The following KLHL1 variants were observed in gnomAD, a reference collection of about 807,000 sequenced individuals.
KLHL1 encodes kelch-like protein 1.
In KLHL1, 47 loss-of-function variants were observed where a neutral mutation model predicts 77.7. The observed-to-expected ratio is 0.60, with a 90% confidence interval of 0.48 to 0.77. The LOEUF is 0.77. Ranked by LOEUF, KLHL1 falls within the 30% of genes least tolerant of loss-of-function variation. KLHL1 has a pLI of 0.00. For synonymous variants in KLHL1, 360 were observed against 325.2 expected (o/e 1.11, Z -1.15); for missense variants, 925 against 910.8 (o/e 1.02, Z -0.20).
At position 69,796,714 on chromosome 13, in the gene KLHL1, A is replaced by T. The variant is rs754440107; in HGVS notation, c.1639+24T>A. On this transcript the variant is annotated intron_variant, in intron 7 of 10. Transcript: ENST00000377844. ...TTATCAATAACATGTTTCTAAAAGT[A>T]ATATCAATAAAGTAAGATCTTACCT... 1.6e-5 allele frequency: 23 copies of T among 1,459,710 alleles called. 1 individual carries two copies. The Admixed American group carries it at 2.9e-4, about 18-fold the overall frequency. The allele number at this position is 1,459,710 out of a possible 1,614,324, so 90.4% of individuals were successfully genotyped here.
At position 69,837,700 on chromosome 13, in the gene KLHL1, A is replaced by G. The variant is rs561739165; in HGVS notation, c.1414+1276T>C. On this transcript the variant is annotated intron_variant, in intron 6 of 10. Coordinates refer to ENST00000377844, the MANE Select transcript of KLHL1 (RefSeq NM_020866.3). ...TATATATATATATACACATATATATATAGATCTCATATTTTTTGAAGTAAA... is the reference window on the plus strand; with the variant it reads ...TATATATATATATACACATATATATGTAGATCTCATATTTTTTGAAGTAAA... Among the ~76,000 whole-genome samples, 103 of 147,790 alleles carry G rather than the reference A, an allele frequency of 7.0e-4. 3 individuals carry two copies. Among genetic ancestry groups the G allele is most frequent in the African/African-American group, 2.2e-3 (88 of 40,252 alleles).
intron 1 of KLHL1, among the ~76,000 whole-genome samples, chr13:70,089,517 G>T (rs150927945): frequency 0.011 from 1,717 of 152,058 alleles, 15 homozygotes; most frequent in Middle Eastern, 0.045. Context: ...TGTTAAAATA[G>T]CTTGCGTGAT....
rs541572551 is a variant in KLHL1 at position 70,072,642 on chromosome 13, G to A, written c.497+34561C>T. 9.2e-5 allele frequency among the ~76,000 whole-genome samples: 14 copies of A among 151,850 alleles called. No homozygotes were observed. The East Asian group carries it at 2.3e-3, about 25-fold the overall frequency. ...GCATGCAAAGATGCTTTGTCATTCA[G>A]AAAACAATTTGTGGAATACATCAAT... On this transcript the variant is annotated intron_variant, in intron 1 of 10. Coordinates refer to ENST00000377844, the MANE Select transcript of KLHL1 (RefSeq NM_020866.3).
chr13:69,779,841 C>A (rs542372984), intron 7 of KLHL1, among the ~76,000 whole-genome samples: 151 of 152,070 alleles, frequency 9.9e-4, no homozygotes, highest in Non-Finnish European at 2.1e-3. Flanking sequence ...GAGACGGAGT[C>A]TTGCTGTTGC....
chr13:69,876,745 T>G (rs986373942), intron 5 of KLHL1, among the ~76,000 whole-genome samples: 1 of 152,128 alleles, frequency 6.6e-6, no homozygotes, highest in Non-Finnish European at 1.5e-5. Flanking sequence ...TTAAAAGAGA[T>G]AAAAAATACC....
intron 4 of KLHL1, among the ~76,000 whole-genome samples, chr13:69,893,359 C>T (rs1881502506): frequency 6.6e-6 from 1 of 151,372 alleles, no homozygotes; most frequent in African/African-American, 2.4e-5. Context: ...CTCAGCCTCC[C>T]GAGTAGCTGG....
At chr13:69,891,817 T>G (rs764904753) in intron 4 of KLHL1, among the ~76,000 whole-genome samples, 10 of 152,068 alleles carry the variant, frequency 6.6e-5, no homozygotes, top group Non-Finnish European at 1.5e-4. Flanking sequence ...ATACTGGACA[T>G]ATATTGCTCA....
intron 1 of KLHL1, among the ~76,000 whole-genome samples, chr13:70,074,379 A>G (rs1455033423): frequency 6.6e-6 from 1 of 152,018 alleles, no homozygotes; most frequent in Non-Finnish European, 1.5e-5. Context: ...TATGACAGGT[A>G]TGGTTAGTTA....
chr13:70,080,039 T>C (rs943133685), intron 1 of KLHL1, among the ~76,000 whole-genome samples: 1 of 152,166 alleles, frequency 6.6e-6, no homozygotes, highest in Non-Finnish European at 1.5e-5. Context: ...GATTTGTGGA[T>C]AGGTACCAAG....
At chr13:70,100,084 C>G (rs187979274) in intron 1 of KLHL1, among the ~76,000 whole-genome samples, 2 of 151,900 alleles carry the variant, frequency 1.3e-5, no homozygotes, top group East Asian at 3.9e-4. Context: ...AAAAAGCATG[C>G]AAAGATTTTC....
chr13:69,794,573 A>G (rs1317555407), intron 7 of KLHL1, among the ~76,000 whole-genome samples: 1 of 151,754 alleles, frequency 6.6e-6, no homozygotes. Flanking sequence ...TTAAAAAAAA[A>G]GAGCTGGGGG....
At chr13:69,730,267 ATG>A (rs56271435) in intron 8 of KLHL1, among the ~76,000 whole-genome samples, 10,857 of 143,696 alleles carry the variant, frequency 0.076, 447 homozygotes, top group African/African-American at 0.13. Context: ...TAACACTTTA[ATG>A]TGTGTGTGTG....
intron 1 of KLHL1, among the ~76,000 whole-genome samples, chr13:70,024,646 C>T (rs796322695): frequency 8.8e-3 from 706 of 79,838 alleles, no homozygotes; most frequent in South Asian, 0.023. Flanking sequence ...CTCTCTCTCT[C>T]TCTCTCTCTC....
In KLHL1 at chr13:69,742,851, G is replaced by C. The variant is rs564048967; in HGVS notation, c.1640-2295C>G. On this transcript the variant is annotated intron_variant, in intron 7 of 10. Coordinates refer to ENST00000377844, the MANE Select transcript of KLHL1 (RefSeq NM_020866.3). ...TTCTTTCATTAGGTAGCTTGACATA[G>C]GAAATGGGGATTAGAAAGGATAAGT... Among the ~76,000 whole-genome samples, 459 of 152,232 alleles carry C rather than the reference G, an allele frequency of 3.0e-3. 2 individuals are homozygous for C. The highest frequency in any genetic ancestry group is 5.1e-3 in the Non-Finnish European group (345 of 68,004).
At chr13:69,939,112 G>A (rs2875575) in intron 4 of KLHL1, among the ~76,000 whole-genome samples, 9 of 150,776 alleles carry the variant, frequency 6.0e-5, no homozygotes, top group Admixed American at 2.7e-4. Context: ...GATACAGGGC[G>A]TCTATGCCAG....
intron 6 of KLHL1, among the ~76,000 whole-genome samples, chr13:69,797,163 C>A (rs550843061): frequency 6.6e-6 from 1 of 152,114 alleles, no homozygotes; most frequent in Non-Finnish European, 1.5e-5. Context: ...TCAAAATAGA[C>A]ACAAATGTTC....
At chr13:69,991,059 GT>G in intron 1 of KLHL1, among the ~76,000 whole-genome samples, 1 of 151,950 alleles carries the variant, frequency 6.6e-6, no homozygotes, top group East Asian at 1.9e-4. Context: ...AGATTCTTGA[GT>G]AAATTAGGAA....
chr13:69,975,437 T>G (rs1884515902), intron 2 of KLHL1, among the ~76,000 whole-genome samples, 183 bp downstream of exon 2: 2 of 151,940 alleles, frequency 1.3e-5, no homozygotes, highest in Non-Finnish European at 2.9e-5. Flanking sequence ...ATTTCAACTT[T>G]TCCACAAAAG....
intron 1 of KLHL1, among the ~76,000 whole-genome samples, chr13:70,033,090 C>T (rs1165124674): frequency 2.0e-5 from 3 of 151,844 alleles, no homozygotes; most frequent in Non-Finnish European, 4.4e-5. Flanking sequence ...TATCTTTTTC[C>T]CCCTGAAATA....
Sources: gnomAD v4.1 joint callset for allele counts (sites outside exome capture counted in the v4.1 genomes callset) on GRCh38, gnomAD v4.1.1 for gene constraint, MANE v1.5 for transcripts, NCBI Gene and HGNC (gene_info 2026-07-23, HGNC 2026-07-21) for gene names.